Variants in C3orf33 observed in about 807,000 individuals in gnomAD.
The protein encoded by C3orf33 is AP-1 activity suppressor.
C3orf33 carries 23 observed loss-of-function variants against 28.7 expected under a neutral mutation model. That is an observed-to-expected ratio of 0.80 (90% CI 0.58 to 1.13). The LOEUF (loss-of-function observed/expected upper bound fraction) is 1.13. C3orf33 is among the 50% of genes most tolerant of loss of function. The probability of loss-of-function intolerance (pLI) is 0.00; values close to 1 mark genes in which losing one functional copy is unlikely to be tolerated. For synonymous variants in C3orf33, 119 were observed against 120.5 expected, an observed-to-expected ratio of 0.99 and a Z score of 0.08; for missense variants, 327 against 353.4, an observed-to-expected ratio of 0.93 and a Z score of 0.60.
At chr3:155,769,065 C>T (rs1349766359) in intron 3 of C3orf33, among the ~76,000 whole-genome samples, 1 of 152,138 alleles carries the variant, frequency 6.6e-6, no homozygotes, top group East Asian at 1.9e-4. Flanking sequence ...GTAATCCCAG[C>T]ACTTTGGGAG....
intron 2 of C3orf33, among the ~76,000 whole-genome samples, chr3:155,784,469 G>A (rs1373703107): frequency 1.3e-5 from 2 of 152,092 alleles, no homozygotes; most frequent in African/African-American, 2.4e-5. Context: ...GCTGGGCGTG[G>A]TGGCTCATGT....
chr3:155,803,779 G>A (rs987067082), intron 1 of C3orf33, among the ~76,000 whole-genome samples: 2 of 151,492 alleles, frequency 1.3e-5, no homozygotes, highest in Non-Finnish European at 1.5e-5. Context: ...CCACTCAGGA[G>A]GCTGAGGCAC....
chr3:155,793,702 C>T (rs879763683), intron 2 of C3orf33, among the ~76,000 whole-genome samples: 2 of 148,154 alleles, frequency 1.3e-5, no homozygotes, highest in African/African-American at 2.5e-5. Context: ...CCCAGCTACT[C>T]GGGAGGCTAA....
chr3:155,790,746 C>A (rs890630917), intron 2 of C3orf33, among the ~76,000 whole-genome samples: 1 of 152,098 alleles, frequency 6.6e-6, no homozygotes, highest in African/African-American at 2.4e-5. Flanking sequence ...AAAACTGAGC[C>A]GGGGCCCACA....
intron 2 of C3orf33, among the ~76,000 whole-genome samples, chr3:155,800,387 T>C (rs1751605769): frequency 6.6e-6 from 1 of 151,914 alleles, no homozygotes; most frequent in African/African-American, 2.4e-5. Flanking sequence ...GAGAACTGCT[T>C]GAGGACAAGA....
At chr3:155,805,667 G>A (rs1751788786) in intron 1 of C3orf33, 10 of 454,800 alleles carry the variant, frequency 2.2e-5, no homozygotes, top group South Asian at 1.6e-4. Context: ...AGCAGCAGCA[G>A]TGAGCTATGA....
intron 2 of C3orf33, among the ~76,000 whole-genome samples, chr3:155,778,988 T>C (rs777895404): frequency 4.6e-5 from 7 of 152,060 alleles, no homozygotes; most frequent in Non-Finnish European, 8.8e-5. Flanking sequence ...ATGAACTAAA[T>C]TGTAAAGACT....
At chr3:155,800,741 A>G (rs1446415832) in intron 2 of C3orf33, among the ~76,000 whole-genome samples, 1 of 151,970 alleles carries the variant, frequency 6.6e-6, no homozygotes, top group Non-Finnish European at 1.5e-5. Flanking sequence ...ACAAAAAAAC[A>G]AACAACCCCA....
intron 2 of C3orf33, among the ~76,000 whole-genome samples, chr3:155,781,267 A>G (rs574238009): frequency 2.0e-5 from 3 of 150,646 alleles, no homozygotes; most frequent in South Asian, 2.1e-4. Context: ...CGGCCTCCCA[A>G]TAGACTTCTT....
intron 2 of C3orf33, among the ~76,000 whole-genome samples, chr3:155,777,950 G>A (rs1750798773): frequency 6.6e-6 from 1 of 151,962 alleles, no homozygotes; most frequent in South Asian, 2.1e-4. Flanking sequence ...AATAGATGGA[G>A]ACCATCCTGG....
intron 2 of C3orf33, among the ~76,000 whole-genome samples, chr3:155,793,728 T>C (rs1456630160): frequency 7.0e-6 from 1 of 143,478 alleles, no homozygotes. Context: ...GAGAATCTCT[T>C]GAACCTGAGA....
At chr3:155,782,816 T>C (rs558958293) in intron 2 of C3orf33, among the ~76,000 whole-genome samples, 2 of 152,346 alleles carry the variant, frequency 1.3e-5, no homozygotes, top group African/African-American at 4.8e-5. Context: ...ATAAAGATCT[T>C]GGTAAAAGTA....
intron 2 of C3orf33, among the ~76,000 whole-genome samples, chr3:155,798,004 G>A (rs1160697386): frequency 6.6e-6 from 1 of 151,588 alleles, no homozygotes; most frequent in Non-Finnish European, 1.5e-5. Context: ...CTAGGAGGTG[G>A]AGGTTTCAGT....
chr3:155,803,336 C>A (rs770665720), intron 1 of C3orf33, among the ~76,000 whole-genome samples: 1 of 152,010 alleles, frequency 6.6e-6, no homozygotes, highest in Non-Finnish European at 1.5e-5. Flanking sequence ...GAGGCCGAGG[C>A]AGGCAGATCA....
chr3:155,792,657 C>T (rs1751350016), intron 2 of C3orf33, among the ~76,000 whole-genome samples: 1 of 151,852 alleles, frequency 6.6e-6, no homozygotes, highest in Non-Finnish European at 1.5e-5. Flanking sequence ...AAAGAATCAA[C>T]CAGAAACTCT....
At chr3:155,769,166 G>C (rs1342979700) in intron 3 of C3orf33, among the ~76,000 whole-genome samples, 1 of 152,094 alleles carries the variant, frequency 6.6e-6, no homozygotes, top group East Asian at 1.9e-4. Flanking sequence ...TACGAAATTA[G>C]CCAGGCATGG....
At chr3:155,767,969 T>C (rs1464180578) in intron 3 of C3orf33, among the ~76,000 whole-genome samples, 1 of 152,152 alleles carries the variant, frequency 6.6e-6, no homozygotes, top group Non-Finnish European at 1.5e-5. Context: ...AATCTCTGCC[T>C]CCCAGGTTCA....
rs146567102 is a variant in C3orf33, at chr3:155,784,341, G to C, written c.175-8493C>G. Among the ~76,000 whole-genome samples, 617 of 152,254 alleles carry C rather than the reference G, an allele frequency of 4.1e-3. 5 individuals are homozygous for C. Among genetic ancestry groups the C allele is most frequent in the African/African-American group, 0.014 (572 of 41,536 alleles). ...AGGAGTAGTTTTTGTATTTTATTGAGGTTAAGTTGGTATGAATTTAAATTA... is the reference window on the plus strand; with the variant it reads ...AGGAGTAGTTTTTGTATTTTATTGACGTTAAGTTGGTATGAATTTAAATTA... On this transcript the variant is annotated intron_variant, in intron 2 of 4. Coordinates refer to ENST00000340171, the MANE Select transcript of C3orf33 (RefSeq NM_001308229.2).
At position 155,799,531 on chromosome 3, in the gene C3orf33, G is replaced by T. The variant is rs1239335451; in HGVS notation, c.174+3001C>A. ...TGGCAAAACCCTGTCTCTCCAAAAA[G>T]TACAAAAATTAGCTGGGCATGGTGG... On this transcript the variant is annotated intron_variant, in intron 2 of 4. Coordinates refer to ENST00000340171, the MANE Select transcript of C3orf33 (RefSeq NM_001308229.2). Among the ~76,000 whole-genome samples the T allele has an allele frequency of 7.2e-5, 11 of 152,002 alleles. No homozygotes were observed. The East Asian group carries it at 2.1e-3, about 29-fold the overall frequency.
Sources: allele counts gnomAD v4.1 joint callset (sites outside exome capture counted in the v4.1 genomes callset), GRCh38; gene constraint gnomAD v4.1.1; transcripts MANE v1.5; gene names NCBI Gene and HGNC (gene_info 2026-07-23, HGNC 2026-07-21).